DNAAF11: variants seen among roughly 807,000 people sequenced by gnomAD.
DNAAF11 encodes leucine rich repeat containing 6.
DNAAF11 carries 45 observed loss-of-function variants against 60.8 expected under a neutral mutation model. That is an observed-to-expected ratio of 0.74 (90% CI 0.58 to 0.95). The LOEUF (loss-of-function observed/expected upper bound fraction) is 0.95. DNAAF11 is among the 40% of genes least tolerant of loss of function. The probability of loss-of-function intolerance (pLI) is 0.00; values close to 1 mark genes in which losing one functional copy is unlikely to be tolerated. For missense variants in DNAAF11, 546 were observed against 546.2 expected (o/e 1.00, Z 0.00); for synonymous variants, 191 against 183.5 (o/e 1.04, Z -0.33).
Position 132,572,232 on chromosome 8 carries a change from A to T in DNAAF11, c.*74T>A. Reference sequence around the variant, plus strand: ...TAACTCTGTGTTTATCCCAGGAATAATATGCATATGGTCTCTACACCAACC... The same window carrying T: ...TAACTCTGTGTTTATCCCAGGAATATTATGCATATGGTCTCTACACCAACC... On this transcript the variant is annotated 3_prime_UTR_variant, in exon 12 of 12. Coordinates refer to ENST00000620350, the MANE Select transcript of DNAAF11 (RefSeq NM_012472.6). 2 of 1,191,854 alleles carry T rather than the reference A, an allele frequency of 1.7e-6. No homozygotes were observed. The highest frequency in any genetic ancestry group is 2.4e-6 in the Non-Finnish European group (2 of 849,638). 73.8% of individuals were successfully genotyped at this position (1,191,854 alleles called of 1,614,324 possible).
rs1282337349 is a variant in DNAAF11, at chr8:132,622,614, G to A, written c.911C>T (p.Pro304Leu). The change falls in exon 7 of 12, where the codon CCC (proline) becomes CTC (leucine). Residue 304 changes from proline (P) to leucine (L), a missense_variant. Physicochemically the swap from Pro to Leu is moderately conservative, Grantham distance 98. Coordinates refer to ENST00000620350, the MANE Select transcript of DNAAF11 (RefSeq NM_012472.6). ...EDGKALNVNEPKIDFSLKDNE... is the reference protein window; with the variant it reads ...EDGKALNVNELKIDFSLKDNE... ...CGCTCTATTTGGCCTCACATACTTG[G>A]GCTCATTCACATTTAGGGCTTTCCC... 1.9e-6 allele frequency: 3 copies of A among 1,612,784 alleles called. No individual in the cohort carries two copies. The highest frequency in any genetic ancestry group is 2.5e-6 in the Non-Finnish European group (3 of 1,179,190).
chr8:132,585,339 C>T (rs1181134497), intron 10 of DNAAF11, among the ~76,000 whole-genome samples: 5 of 152,116 alleles, frequency 3.3e-5, no homozygotes, highest in Non-Finnish European at 7.3e-5. Flanking sequence ...ATGTGTGATG[C>T]CATGCAGCTC....
intron 10 of DNAAF11, among the ~76,000 whole-genome samples, chr8:132,609,572 G>A (rs1323092132): frequency 1.3e-5 from 2 of 152,072 alleles, no homozygotes; most frequent in African/African-American, 4.8e-5. Flanking sequence ...AGGAACTTCT[G>A]TTTCATTGTG....
chr8:132,692,010 G>T, the DNAAF11 span, among the ~76,000 whole-genome samples: 9 of 152,292 alleles, frequency 5.9e-5, no homozygotes, highest in Non-Finnish European at 1.3e-4. Flanking sequence ...GGTCTAAGTA[G>T]AAGAGTGATG....
At chr8:132,609,036 A>G (rs982995108) in intron 10 of DNAAF11, among the ~76,000 whole-genome samples, 8 of 152,142 alleles carry the variant, frequency 5.3e-5, no homozygotes, top group Non-Finnish European at 8.8e-5. Flanking sequence ...GCAGAACCCA[A>G]TTTTGACTGG....
chr8:132,605,072 G>A (rs1818001279), intron 10 of DNAAF11, among the ~76,000 whole-genome samples: 2 of 152,118 alleles, frequency 1.3e-5, no homozygotes, highest in South Asian at 2.1e-4. Context: ...TTAATGTAGT[G>A]TGTATTATGT....
chr8:132,699,393 G>A, the DNAAF11 span, among the ~76,000 whole-genome samples: 4 of 152,214 alleles, frequency 2.6e-5, no homozygotes, highest in Admixed American at 6.5e-5. Flanking sequence ...AGTGCTAGGC[G>A]CTGTGATGTA....
chr8:132,647,100 C>T (rs1351745676), intron 3 of DNAAF11, among the ~76,000 whole-genome samples: 6 of 152,148 alleles, frequency 3.9e-5, no homozygotes, highest in African/African-American at 1.4e-4. Flanking sequence ...GGAAGTAAAG[C>T]ACTCCTCAGC....
the DNAAF11 span, among the ~76,000 whole-genome samples, chr8:132,699,237 C>T: frequency 6.6e-6 from 1 of 151,918 alleles, no homozygotes; most frequent in African/African-American, 2.4e-5. Context: ...GGGACATCTT[C>T]TCTGTGGGGG....
intron 1 of DNAAF11, among the ~76,000 whole-genome samples, chr8:132,671,918 C>T (rs542753341): frequency 6.7e-6 from 1 of 150,304 alleles, no homozygotes; most frequent in Non-Finnish European, 1.5e-5. Flanking sequence ...TATAAAATTT[C>T]TAGGAAAAAA....
At chr8:132,657,030 C>G (rs917166784) in intron 2 of DNAAF11, 123 bp from the exon 3 acceptor site, 13 of 470,146 alleles carry the variant, frequency 2.8e-5, no homozygotes, top group Admixed American at 1.7e-4. Flanking sequence ...AAAACCATGT[C>G]ACTTTTCCAA....
chr8:132,572,468 CATG>C lies in DNAAF11; in HGVS notation c.1236_1238del (p.His412_Met413delinsGln), dbSNP rs776254756. On this transcript the variant is annotated inframe_deletion, in exon 12 of 12. Coordinates refer to ENST00000620350, the MANE Select transcript of DNAAF11 (RefSeq NM_012472.6). Reference sequence around the variant, plus strand: ...TGCTAGGGTCTACTTCTAGTTTCTCCATGTGCTTGCTTCTATAACAACAAAAAA... The same window carrying C: ...TGCTAGGGTCTACTTCTAGTTTCTCCTGCTTGCTTCTATAACAACAAAAAA... 2 of 1,594,412 alleles carry C rather than the reference CATG, an allele frequency of 1.3e-6. No individual in the cohort carries two copies. Among genetic ancestry groups the C allele is most frequent in the Admixed American group, 3.5e-5 (2 of 56,622 alleles).
At chr8:132,645,980 C>T (rs949331660) in intron 3 of DNAAF11, among the ~76,000 whole-genome samples, 6 of 152,160 alleles carry the variant, frequency 3.9e-5, no homozygotes, top group Admixed American at 3.3e-4. Flanking sequence ...CCAGGAAATA[C>T]AGAGAATGCC....
At chr8:132,675,357 G>T (rs925550837) in intron 1 of DNAAF11, 127 bp downstream of exon 1, 69 of 1,062,724 alleles carry the variant, frequency 6.5e-5, no homozygotes, top group Non-Finnish European at 8.8e-5. Flanking sequence ...GCCGGGTGGG[G>T]TTAGGGTCCG....
At position 132,644,504 on chromosome 8, in the gene DNAAF11, T is replaced by C. The variant is rs113502290; in HGVS notation, c.257-6397A>G. ...GGGCTTGTTGGACAATGGGTGCAGC[T>C]CACGGAGGATTAGCCAAAGCAAGGG... is the stretch of plus-strand genomic sequence containing the variant. On this transcript the variant is annotated intron_variant, in intron 3 of 11. Transcript: ENST00000620350. 3.4e-3 allele frequency among the ~76,000 whole-genome samples: 524 copies of C among 152,044 alleles called. 3 individuals are homozygous for C. The highest frequency in any genetic ancestry group is 0.012 in the African/African-American group (493 of 41,474).
rs752269775 is a variant in DNAAF11 at position 132,638,027 on chromosome 8, T to G, written c.337A>C (p.Ile113Leu). ...ATGAGAAAGAGCTCCTTCAGATGGA[T>G]ATTGTGCTGCAAGTTTTTAATGCTG... Reference protein sequence around the residue: ...LSSIKNLQHNIHLKELFLMGN... With the variant: ...LSSIKNLQHNLHLKELFLMGN... The change falls in exon 4 of 12, where the codon ATC becomes CTC. Residue 113 changes from isoleucine to leucine, a missense_variant. By Grantham distance (5) the Ile-to-Leu change is conservative. Coordinates refer to ENST00000620350, the MANE Select transcript of DNAAF11 (RefSeq NM_012472.6). 6.2e-7 allele frequency: 1 copy of G among 1,614,082 alleles called. No homozygotes were observed. Among genetic ancestry groups the G allele is most frequent in the Non-Finnish European group, 8.5e-7 (1 of 1,179,960 alleles).
intron 11 of DNAAF11, among the ~76,000 whole-genome samples, chr8:132,579,640 G>A (rs1815111293): frequency 6.6e-6 from 1 of 152,140 alleles, no homozygotes; most frequent in African/African-American, 2.4e-5. Context: ...TAAGAAAGTG[G>A]GGGGAAAGGG....
intron 1 of DNAAF11, among the ~76,000 whole-genome samples, chr8:132,667,917 GCAA>G (rs1321415105): frequency 2.0e-5 from 3 of 152,112 alleles, no homozygotes; most frequent in Non-Finnish European, 2.9e-5. Context: ...ATTACATTGA[GCAA>G]AGTTCTCAAA....
At position 132,587,535 on chromosome 8, in the gene DNAAF11, C is replaced by A. The variant is rs146361037; in HGVS notation, c.1141-3756G>T. Among the ~76,000 whole-genome samples, 586 of 152,250 alleles carry A rather than the reference C, an allele frequency of 3.8e-3. 11 individuals carry two copies. The highest frequency in any genetic ancestry group is 0.014 in the African/African-American group (569 of 41,552). On this transcript the variant is annotated intron_variant, in intron 10 of 11. Coordinates refer to ENST00000620350, the MANE Select transcript of DNAAF11 (RefSeq NM_012472.6). ...GTTTTGGAATCGTAACATTTGGTTT[C>A]CCACTGTACCTGCAGTCCTGGGTTG...
Sources: gnomAD v4.1 joint callset for allele counts (sites outside exome capture counted in the v4.1 genomes callset) on GRCh38, gnomAD v4.1.1 for gene constraint, MANE v1.5 for transcripts, NCBI Gene and HGNC (gene_info 2026-07-23, HGNC 2026-07-21) for gene names.